PDZRN4: variants seen among roughly 807,000 people sequenced by gnomAD.
The protein encoded by PDZRN4 is PDZ domain-containing RING finger protein 4.
A neutral mutation model predicts 99.0 loss-of-function variants in PDZRN4; 70 were observed. The ratio of observed to expected loss-of-function variants is 0.71; its 90% CI spans 0.58 to 0.86. The LOEUF is 0.86. Ranked by LOEUF, PDZRN4 falls within the 40% of genes least tolerant of loss-of-function variation. The pLI is 0.00. For synonymous variants in PDZRN4, 551 were observed against 501.6 expected (o/e 1.10, Z -1.32); for missense variants, 1,474 against 1,331.2 (o/e 1.11, Z -1.67).
chr12:41,397,187 G>C (rs111974145), intron 3 of PDZRN4, among the ~76,000 whole-genome samples: 5,406 of 152,140 alleles, frequency 0.036, 320 homozygotes, highest in African/African-American at 0.12. Context: ...TACTTGATTT[G>C]TTAAATGAAT....
intron 3 of PDZRN4, among the ~76,000 whole-genome samples, chr12:41,384,251 T>C (rs1952149114): frequency 6.6e-6 from 1 of 152,108 alleles, no homozygotes. Flanking sequence ...TAAATCTTTT[T>C]CCATTCACTC....
At chr12:41,254,811 G>T (rs1951193208) in intron 3 of PDZRN4, among the ~76,000 whole-genome samples, 1 of 152,222 alleles carries the variant, frequency 6.6e-6, no homozygotes, top group African/African-American at 2.4e-5. Context: ...GGTTGCTCTG[G>T]CCAGGCACAG....
At chr12:41,566,353 T>C (rs1229444453) in intron 8 of PDZRN4, among the ~76,000 whole-genome samples, 1 of 152,148 alleles carries the variant, frequency 6.6e-6, no homozygotes, top group Non-Finnish European at 1.5e-5. Context: ...TTTTAAGTAA[T>C]TTTTTATGAT....
intron 3 of PDZRN4, among the ~76,000 whole-genome samples, chr12:41,472,354 C>A (rs1332681943): frequency 6.6e-6 from 1 of 152,168 alleles, no homozygotes; most frequent in African/African-American, 2.4e-5. Context: ...TAATATCACA[C>A]AGTACTGTTT....
chr12:41,404,424 G>A (rs1952328151), intron 3 of PDZRN4, among the ~76,000 whole-genome samples: 1 of 152,038 alleles, frequency 6.6e-6, no homozygotes, highest in Non-Finnish European at 1.5e-5. Flanking sequence ...CAAAGGAAAT[G>A]AAATGCCTAA....
At chr12:41,263,160 T>C (rs1487670364) in intron 3 of PDZRN4, among the ~76,000 whole-genome samples, 4 of 152,288 alleles carry the variant, frequency 2.6e-5, no homozygotes, top group South Asian at 2.1e-4. Flanking sequence ...CAATGAGACA[T>C]ATAAAATGAA....
intron 8 of PDZRN4, 89 bp downstream of exon 8, chr12:41,563,738 T>A: frequency 9.7e-6 from 8 of 824,150 alleles, no homozygotes; most frequent in Non-Finnish European, 1.4e-5. Context: ...ATATTCATTA[T>A]CTGCTATTCT....
intron 3 of PDZRN4, among the ~76,000 whole-genome samples, chr12:41,307,844 T>C (rs1951582232): frequency 1.3e-5 from 2 of 152,148 alleles, no homozygotes; most frequent in East Asian, 1.9e-4. Context: ...GTATGTTTTA[T>C]AGATATTATT....
chr12:41,508,078 A>G (rs1436278845), intron 4 of PDZRN4, among the ~76,000 whole-genome samples: 1 of 152,174 alleles, frequency 6.6e-6, no homozygotes, highest in Non-Finnish European at 1.5e-5. Context: ...TTTTGCATTT[A>G]TTGACTCATT....
intron 3 of PDZRN4, among the ~76,000 whole-genome samples, chr12:41,475,667 C>G (rs1179162398): frequency 2.0e-5 from 3 of 152,176 alleles, no homozygotes; most frequent in Non-Finnish European, 4.4e-5. Flanking sequence ...AAGAGCAAGT[C>G]AATGGCATAA....
chr12:41,457,651 TA>T (rs1157252414), intron 3 of PDZRN4, among the ~76,000 whole-genome samples: 1 of 152,210 alleles, frequency 6.6e-6, no homozygotes, highest in Non-Finnish European at 1.5e-5. Flanking sequence ...CATCAATGCT[TA>T]TTTTCCTTGT....
In PDZRN4 at chr12:41,333,174, A is replaced by T. The variant is rs115889143; in HGVS notation, c.843+138986A>T. On this transcript the variant is annotated intron_variant, in intron 3 of 9. Transcript: ENST00000402685. ...ACTCTGTAGGTGAATATGTTCACTG[A>T]GTTTCAGATTGCTCTGGGACTATTT... 3.0e-3 allele frequency among the ~76,000 whole-genome samples: 463 copies of T among 152,204 alleles called. 3 individuals are homozygous for T. The highest frequency in any genetic ancestry group is 0.011 in the African/African-American group (440 of 41,556).
chr12:41,238,776 C>T (rs905220062), intron 3 of PDZRN4, among the ~76,000 whole-genome samples: 14 of 151,690 alleles, frequency 9.2e-5, no homozygotes, highest in Admixed American at 3.3e-4. Context: ...TAAAAAACTC[C>T]GAAGTGCTAT....
intron 3 of PDZRN4, among the ~76,000 whole-genome samples, chr12:41,354,790 G>A (rs1951914841): frequency 6.6e-6 from 1 of 151,954 alleles, no homozygotes. Context: ...ATTAAAGGTT[G>A]GTATGGCTCA....
chr12:41,428,698 G>T (rs1453287931), intron 3 of PDZRN4, among the ~76,000 whole-genome samples: 1 of 152,100 alleles, frequency 6.6e-6, no homozygotes, highest in Non-Finnish European at 1.5e-5. Flanking sequence ...AGGGAATCAG[G>T]GGCAAGATGG....
intron 3 of PDZRN4, among the ~76,000 whole-genome samples, chr12:41,486,890 G>T (rs1389277293): frequency 6.6e-6 from 1 of 151,540 alleles, no homozygotes; most frequent in Non-Finnish European, 1.5e-5. Flanking sequence ...TCCACCCTTG[G>T]GCCTTTGCCA....
At chr12:41,529,720 T>C (rs1476585047) in intron 5 of PDZRN4, among the ~76,000 whole-genome samples, 2 of 152,192 alleles carry the variant, frequency 1.3e-5, no homozygotes, top group African/African-American at 2.4e-5. Context: ...TTGTGGGAGT[T>C]CCTCAAATCA....
intron 3 of PDZRN4, among the ~76,000 whole-genome samples, chr12:41,370,780 A>G (rs1284602792): frequency 2.0e-5 from 3 of 151,956 alleles, no homozygotes; most frequent in African/African-American, 2.4e-5. Context: ...ATTTCCTCAT[A>G]TCTATCTTCC....
chr12:41,343,635 TTAGA>T (rs1362102391), intron 3 of PDZRN4, among the ~76,000 whole-genome samples: 1 of 151,630 alleles, frequency 6.6e-6, no homozygotes, highest in Admixed American at 6.6e-5. Context: ...AATGTTGCAA[TTAGA>T]TAGGAGGAAT....
Sources: gnomAD v4.1 joint callset for allele counts (sites outside exome capture counted in the v4.1 genomes callset) on GRCh38, gnomAD v4.1.1 for gene constraint, MANE v1.5 for transcripts, NCBI Gene and HGNC (gene_info 2026-07-23, HGNC 2026-07-21) for gene names.